The following UNC79 variants were observed in gnomAD, a reference collection of about 807,000 sequenced individuals.
UNC79 encodes the protein protein unc-79 homolog.
UNC79 carries 37 observed loss-of-function variants against 283.1 expected under a neutral mutation model. That is an observed-to-expected ratio of 0.13 (90% confidence interval 0.10 to 0.17). The LOEUF is 0.17. Ranked by LOEUF, UNC79 falls within the 10% of genes least tolerant of loss-of-function variation. UNC79 has a pLI of 1.00. For missense variants in UNC79, 2,272 were observed against 3,211.1 expected (o/e 0.71, Z 7.07); for synonymous variants, 1,107 against 1,200.2 (o/e 0.92, Z 1.61).
intron 29 of UNC79, among the ~76,000 whole-genome samples, chr14:93,619,395 T>C (rs2066966649): frequency 6.6e-6 from 1 of 152,234 alleles, no homozygotes; most frequent in African/African-American, 2.4e-5. Flanking sequence ...TCTTTCAGTC[T>C]TGAGTGTTCA....
chr14:93,585,872 T>A (rs1240093995), intron 20 of UNC79, among the ~76,000 whole-genome samples: 1 of 139,082 alleles, frequency 7.2e-6, no homozygotes, highest in Non-Finnish European at 1.6e-5. Context: ...ATTGAACACC[T>A]CTCTCTCTCT....
intron 31 of UNC79, chr14:93,634,596 A>G: frequency 6.2e-7 from 1 of 1,614,166 alleles, no homozygotes; most frequent in Non-Finnish European, 8.5e-7. Flanking sequence ...CAGCTGGAGC[A>G]TCAGTCTAGC....
intron 1 of UNC79, among the ~76,000 whole-genome samples, chr14:93,452,312 A>G (rs1273538187): frequency 6.6e-6 from 1 of 151,876 alleles, no homozygotes; most frequent in Non-Finnish European, 1.5e-5. Context: ...CAACTGGCAC[A>G]TAGTTAACTA....
chr14:93,588,741 A>G (rs1297612660), intron 22 of UNC79, among the ~76,000 whole-genome samples: 3 of 117,072 alleles, frequency 2.6e-5, no homozygotes, highest in African/African-American at 1.3e-4. Flanking sequence ...ACTCCGTCTC[A>G]AAAAAAAAAA....
intron 14 of UNC79, among the ~76,000 whole-genome samples, chr14:93,566,707 G>A (rs1002357773): frequency 2.7e-5 from 4 of 147,566 alleles, no homozygotes; most frequent in Non-Finnish European, 5.9e-5. Context: ...GCATGATCTC[G>A]GCTCACTGCA....
chr14:93,372,791 TCAA>T (rs1467679004), intron 1 of UNC79, among the ~76,000 whole-genome samples: 1 of 152,156 alleles, frequency 6.6e-6, no homozygotes, highest in Admixed American at 6.5e-5. Flanking sequence ...ATAGTTGAAC[TCAA>T]CAACACCATC....
Position 93,431,060 on chromosome 14 carries a change from C to A in UNC79, c.22+9C>A, listed in dbSNP as rs1435858992. The stretch of plus-strand genomic sequence containing the variant: ...CACCAAAGCGGAGCAGTGTAAGTAG[C>A]AGCCGGCCCGGCATTCCGGCCCGGC... On this transcript the variant is annotated intron_variant, in intron 1 of 48. Coordinates refer to ENST00000555664, the Ensembl canonical transcript of UNC79. The A allele has an allele frequency of 1.4e-6, 1 of 701,322 alleles. No homozygotes were observed. The highest frequency in any genetic ancestry group is 1.5e-5 in the South Asian group (1 of 67,528). 43.4% of individuals were successfully genotyped at this position (701,322 alleles called of 1,614,324 possible). A position where few individuals can be genotyped will look rare whatever the true frequency, so the allele number is the denominator to read the frequency against.
At chr14:93,344,909 T>G (rs915742493) in intron 1 of UNC79, among the ~76,000 whole-genome samples, 2 of 152,140 alleles carry the variant, frequency 1.3e-5, no homozygotes, top group Non-Finnish European at 2.9e-5. Context: ...AGTGGAAATG[T>G]AACATGGGCT....
intron 8 of UNC79, among the ~76,000 whole-genome samples, chr14:93,526,988 G>C (rs2060577135): frequency 6.6e-6 from 1 of 152,182 alleles, no homozygotes; most frequent in Non-Finnish European, 1.5e-5. Flanking sequence ...TGCTAAGCAA[G>C]AATGGTATAC....
chr14:93,630,943 A>T, intron 31 of UNC79, 35 bp downstream of exon 33: 1 of 1,569,328 alleles, frequency 6.4e-7, no homozygotes, highest in Non-Finnish European at 8.8e-7. Context: ...TCATCTATGC[A>T]TTTATTTTGG....
intron 1 of UNC79, among the ~76,000 whole-genome samples, chr14:93,349,200 G>C (rs974151209): frequency 1.3e-5 from 2 of 152,194 alleles, no homozygotes; most frequent in Admixed American, 6.5e-5. Flanking sequence ...CTTCATTCTT[G>C]AAGTCAGCGG....
chr14:93,637,002 C>T (rs887622716), intron 31 of UNC79, among the ~76,000 whole-genome samples: 32 of 152,048 alleles, frequency 2.1e-4, no homozygotes. Flanking sequence ...TGCTGTCCTG[C>T]TTTTAGTTGC....
intron 14 of UNC79, among the ~76,000 whole-genome samples, chr14:93,559,912 TG>T (rs1232797972): frequency 5.9e-5 from 9 of 151,850 alleles, no homozygotes; most frequent in Non-Finnish European, 1.2e-4. Flanking sequence ...GAAAATTTTT[TG>T]GGGGGTGGCA....
chr14:93,458,830 T>C (rs1364629988), intron 1 of UNC79, among the ~76,000 whole-genome samples: 1 of 152,182 alleles, frequency 6.6e-6, no homozygotes, highest in Non-Finnish European at 1.5e-5. Context: ...ATAAGATGGT[T>C]TTGTCTCCAA....
intron 1 of UNC79, among the ~76,000 whole-genome samples, chr14:93,377,850 A>G (rs1206291697): frequency 2.6e-5 from 4 of 152,308 alleles, no homozygotes; most frequent in African/African-American, 9.6e-5. Context: ...CAATTCCCCT[A>G]ATTCTTACCC....
chr14:93,609,006 C>T (rs766706771), intron 26 of UNC79, among the ~76,000 whole-genome samples: 52 of 152,152 alleles, frequency 3.4e-4, no homozygotes, highest in Non-Finnish European at 6.0e-4. Flanking sequence ...AATGTTCTGC[C>T]TTGCATAATT....
intron 3 of UNC79, among the ~76,000 whole-genome samples, chr14:93,475,575 C>G (rs1373507307): frequency 6.8e-6 from 1 of 147,988 alleles, no homozygotes; most frequent in African/African-American, 2.7e-5. Flanking sequence ...CTAGCCACTT[C>G]TGCTGTGATC....
chr14:93,616,770 G>A (rs561909202), intron 27 of UNC79, among the ~76,000 whole-genome samples: 318 of 152,196 alleles, frequency 2.1e-3, no homozygotes, highest in Non-Finnish European at 3.1e-3. Context: ...AGTATTGCCG[G>A]TCGTCTAGGA....
chr14:93,568,939 C>A (rs1295081293), intron 14 of UNC79, among the ~76,000 whole-genome samples: 1 of 152,074 alleles, frequency 6.6e-6, no homozygotes, highest in Non-Finnish European at 1.5e-5. Context: ...TAGTCAATGG[C>A]AAAGCTACTT....
Sources: gnomAD v4.1 joint callset for allele counts (sites outside exome capture counted in the v4.1 genomes callset) on GRCh38, gnomAD v4.1.1 for gene constraint, MANE v1.5 for transcripts, NCBI Gene and HGNC (gene_info 2026-07-23, HGNC 2026-07-21) for gene names.